Variants in ANKRD55 observed in about 807,000 individuals in gnomAD.
ANKRD55 encodes ankyrin repeat domain-containing protein 55.
A neutral mutation model predicts 60.6 loss-of-function variants in ANKRD55; 41 were observed. That is an observed-to-expected ratio of 0.68 (90% CI 0.53 to 0.88). The LOEUF (loss-of-function observed/expected upper bound fraction) is 0.88. ANKRD55 is among the 40% of genes least tolerant of loss of function. The probability of loss-of-function intolerance (pLI) is 0.00; values close to 1 mark genes in which losing one functional copy is unlikely to be tolerated. For synonymous variants in ANKRD55, 264 were observed against 290.3 expected, an observed-to-expected ratio of 0.91 and a Z score of 0.92; for missense variants, 732 against 767.6, an observed-to-expected ratio of 0.95 and a Z score of 0.55.
At chr5:56,197,621 A>G (rs1561288726) in intron 2 of ANKRD55, among the ~76,000 whole-genome samples, 1 of 152,220 alleles carries the variant, frequency 6.6e-6, no homozygotes, top group East Asian at 1.9e-4. Context: ...ATGGTTTTAA[A>G]ACATAAGGCT....
chr5:56,165,518 A>G (rs1475736015), intron 5 of ANKRD55, among the ~76,000 whole-genome samples: 1 of 152,164 alleles, frequency 6.6e-6, no homozygotes, highest in Non-Finnish European at 1.5e-5. Flanking sequence ...CATCATCATC[A>G]CCATGTTCAC....
intron 10 of ANKRD55, among the ~76,000 whole-genome samples, chr5:56,107,993 C>G (rs1043997597): frequency 2.6e-5 from 4 of 152,020 alleles, no homozygotes; most frequent in African/African-American, 4.8e-5. Context: ...TCTCAGCCCC[C>G]CAAGTAGCTG....
chr5:56,166,099 T>TTTCTTTCTTTC (rs1561277613), intron 5 of ANKRD55, among the ~76,000 whole-genome samples: 15 of 38,160 alleles, frequency 3.9e-4, no homozygotes, highest in Non-Finnish European at 8.1e-4. Flanking sequence ...TCTTTCTTTC[T>TTTCTTTCTTTC]TTCTTTCTTT....
chr5:56,212,825 T>A (rs930417245), intron 2 of ANKRD55, among the ~76,000 whole-genome samples: 3 of 152,214 alleles, frequency 2.0e-5, no homozygotes, highest in Non-Finnish European at 4.4e-5. Flanking sequence ...ATGGGAATTA[T>A]CCATAGAATA....
At chr5:56,186,133 G>A (rs76460169) in intron 2 of ANKRD55, among the ~76,000 whole-genome samples, 3,414 of 152,164 alleles carry the variant, frequency 0.022, 37 homozygotes, top group Middle Eastern at 0.054. Context: ...GATTTGGACC[G>A]TCCCCTCTCC....
chr5:56,206,518 T>G (rs974157069), intron 2 of ANKRD55, among the ~76,000 whole-genome samples: 2 of 152,136 alleles, frequency 1.3e-5, no homozygotes, highest in Non-Finnish European at 2.9e-5. Flanking sequence ...CTACCCCACC[T>G]CCTTTACGGA....
At chr5:56,135,356 T>TTTTTCTTTCTTTCTTTCTTTCTTTC (rs1757561949) in intron 7 of ANKRD55, among the ~76,000 whole-genome samples, 1 of 53,700 alleles carries the variant, frequency 1.9e-5, no homozygotes, top group African/African-American at 8.3e-5. Flanking sequence ...TCTTTCTTTC[T>TTTTTCTTTCTTTCTTTCTTTCTTTC]TTCTTTCTTT....
At chr5:56,225,022 C>T (rs563107647) in intron 2 of ANKRD55, among the ~76,000 whole-genome samples, 168 of 152,198 alleles carry the variant, frequency 1.1e-3, no homozygotes, top group Admixed American at 3.2e-3. Context: ...CTGGCAGAGA[C>T]ACAACAAAAA....
chr5:56,233,171 T>C (rs528890130), intron 1 of ANKRD55, 70 bp downstream of exon 1: 129 of 454,054 alleles, frequency 2.8e-4, no homozygotes, highest in African/African-American at 2.4e-3. Flanking sequence ...TAATACACCC[T>C]CCACCCCCAA....
At chr5:56,117,661 C>T (rs923758183) in intron 8 of ANKRD55, among the ~76,000 whole-genome samples, 11 of 152,092 alleles carry the variant, frequency 7.2e-5, no homozygotes, top group African/African-American at 2.7e-4. Context: ...ACTATGTTGG[C>T]CAGGCTGGTT....
chr5:56,156,904 A>C (rs1439781782), intron 6 of ANKRD55: 1 of 152,296 alleles, frequency 6.6e-6, no homozygotes, highest in Non-Finnish European at 1.5e-5. Flanking sequence ...TTTAATCAGA[A>C]GGCTCAAGAC....
intron 5 of ANKRD55, among the ~76,000 whole-genome samples, chr5:56,164,070 C>T (rs777153031): frequency 3.9e-5 from 6 of 152,126 alleles, no homozygotes; most frequent in Non-Finnish European, 7.3e-5. Flanking sequence ...CTAGCCTGGG[C>T]AACAGAGCTT....
At position 56,111,260 on chromosome 5, in the gene ANKRD55, A is replaced by G. The variant is rs1183471652; in HGVS notation, c.1488T>C (p.Ser496=). The change falls in exon 10 of 12, where the codon AGT becomes AGC. Residue 496 remains serine (S), a synonymous_variant. Transcript: ENST00000341048. Reference sequence around the variant, plus strand: ...TGTAGGAAAATACCTGATTAGAATCACTCTTCCAGGGGTTATCTAGTAACA... The same window carrying G: ...TGTAGGAAAATACCTGATTAGAATCGCTCTTCCAGGGGTTATCTAGTAACA... The part of the protein sequence containing the change: ...CQMLLDNPWK[S]DSNQVFSYKV... 1 of 1,613,562 alleles carries G rather than the reference A, an allele frequency of 6.2e-7. No homozygotes were observed.
At position 56,100,246 on chromosome 5, in the gene ANKRD55, T is replaced by A; in HGVS notation, c.1782A>T (p.Arg594=). 1 of 1,614,226 alleles carries A rather than the reference T, an allele frequency of 6.2e-7. No homozygotes were observed. The highest frequency in any genetic ancestry group is 8.5e-7 in the Non-Finnish European group (1 of 1,180,046). Residue 594 remains arginine, a synonymous_variant, in exon 12 of 12, where the codon CGA becomes CGT. Coordinates refer to ENST00000341048, the MANE Select transcript of ANKRD55 (RefSeq NM_024669.3). ...TCTCTTCTGCTGCTGTGCTGTGTCT[T>A]CGTTGACTTGGAATTGCAGGAAGCA... ...NRVLPAIPSQ[R]RHSTAAEESE... is the part of the protein sequence containing the mutation.
At chr5:56,129,265 G>A (rs916488114) in intron 7 of ANKRD55, among the ~76,000 whole-genome samples, 2 of 152,172 alleles carry the variant, frequency 1.3e-5, no homozygotes, top group Non-Finnish European at 1.5e-5. Flanking sequence ...AGGAAGAATC[G>A]AGAGTAGGTT....
At chr5:56,112,511 A>AAAAAAACAAAAAAAAAAAAAAAAC (rs1756754606) in intron 9 of ANKRD55, among the ~76,000 whole-genome samples, 1 of 81,528 alleles carries the variant, frequency 1.2e-5, no homozygotes, top group African/African-American at 5.4e-5. Context: ...TAGCAAAAAA[A>AAAAAAACAAAAAAAAAAAAAAAAC]AAAAAAAAAA....
chr5:56,196,145 A>T (rs1412130577), intron 2 of ANKRD55, among the ~76,000 whole-genome samples: 6 of 152,198 alleles, frequency 3.9e-5, no homozygotes, highest in Admixed American at 2.6e-4. Context: ...GAGCAATTTT[A>T]TTTAATATTT....
chr5:56,223,540 T>C (rs1027131385), intron 2 of ANKRD55, among the ~76,000 whole-genome samples: 1 of 152,204 alleles, frequency 6.6e-6, no homozygotes, highest in African/African-American at 2.4e-5. Flanking sequence ...AATGCTCCAA[T>C]TAAAATACAC....
chr5:56,116,349 AAG>A (rs950167696), intron 9 of ANKRD55, among the ~76,000 whole-genome samples: 17 of 152,184 alleles, frequency 1.1e-4, no homozygotes, highest in African/African-American at 4.1e-4. Context: ...AAAAGGAAAG[AAG>A]AGATTCAAGT....
Sources: allele counts gnomAD v4.1 joint callset (sites outside exome capture counted in the v4.1 genomes callset), GRCh38; gene constraint gnomAD v4.1.1; transcripts MANE v1.5; gene names NCBI Gene and HGNC (gene_info 2026-07-23, HGNC 2026-07-21).